Variants in ENY2 observed in about 807,000 individuals in gnomAD.
ENY2 encodes the protein ENY2 transcription and export complex 2 subunit.
In ENY2, 4 loss-of-function variants were observed where a neutral mutation model predicts 15.9. The observed-to-expected ratio is 0.25, with a 90% confidence interval of 0.12 to 0.57. The LOEUF (loss-of-function observed/expected upper bound fraction) is 0.57. ENY2 is among the 20% of genes least tolerant of loss of function. The pLI, the probability that ENY2 is intolerant of heterozygous loss-of-function variation, is 0.91. For missense variants in ENY2, 54 were observed against 117.2 expected, an observed-to-expected ratio of 0.46 and a Z score of 2.49; for synonymous variants, 48 against 38.0, an observed-to-expected ratio of 1.26 and a Z score of -0.97.
At position 109,344,608 on chromosome 8, in the gene ENY2, G is replaced by A. The variant is rs1031826735; in HGVS notation, c.*1127G>A. The A allele has an allele frequency of 3.3e-5, 5 of 151,990 alleles. No homozygotes were observed. Among genetic ancestry groups the A allele is most frequent in the African/African-American group, 1.2e-4 (5 of 41,346 alleles). The allele number at this position is 151,990 out of a possible 1,614,324, so 9.4% of individuals were successfully genotyped here. A position where few individuals can be genotyped will look rare whatever the true frequency, so the allele number is the denominator to read the frequency against. On this transcript the variant is annotated 3_prime_UTR_variant, in exon 5 of 5. Coordinates refer to ENST00000521688, the MANE Select transcript of ENY2 (RefSeq NM_020189.6). Reference sequence around the variant, plus strand: ...CTGCTATATTCCTTATTTCTGAATGGTACCTCCTAGCTATATAGATTATCT... The same window carrying A: ...CTGCTATATTCCTTATTTCTGAATGATACCTCCTAGCTATATAGATTATCT...
chr8:109,343,317 T>G (rs1816162469), intron 4 of ENY2, 88 bp from the exon 5 acceptor site: 1 of 1,017,460 alleles, frequency 9.8e-7, no homozygotes, highest in East Asian at 2.5e-5. Flanking sequence ...ATTCTTATGT[T>G]GTTTACCCTG....
intron 2 of ENY2, 166 bp from the exon 3 acceptor site, chr8:109,339,154 C>G: frequency 1.7e-6 from 1 of 594,738 alleles, no homozygotes. Context: ...TAAGTACTTG[C>G]ATGAGATCAA....
chr8:109,340,276 C>T (rs1816084909), intron 3 of ENY2: 1 of 553,088 alleles, frequency 1.8e-6, no homozygotes, highest in South Asian at 2.2e-5. Flanking sequence ...TATTTAGTTG[C>T]TGGTTATTTA....
Position 109,334,377 on chromosome 8 carries a change from C to G in ENY2, c.-92C>G, listed in dbSNP as rs1586322433. On this transcript the variant is annotated 5_prime_UTR_variant, in exon 1 of 5. Coordinates refer to ENST00000521688, the MANE Select transcript of ENY2 (RefSeq NM_020189.6). The stretch of plus-strand genomic sequence containing the variant: ...CTTAGGTGCCCGAGCTACTGAGGGT[C>G]TAAGTCCGGGCAGCCGAAGAGTGTG... 8 of 1,586,858 alleles carry G rather than the reference C, an allele frequency of 5.0e-6. No individual in the cohort carries two copies. In the East Asian group the frequency reaches 6.8e-5, roughly 13 times the overall value.
chr8:109,334,580 A>G (rs960836122), intron 1 of ENY2, 106 bp downstream of exon 1: 2 of 1,373,662 alleles, frequency 1.5e-6, no homozygotes, highest in Non-Finnish European at 1.9e-6. Flanking sequence ...GCGGGCCTGT[A>G]GGGCTCTCCG....
At chr8:109,334,544 T>C (rs1815909534) in intron 1 of ENY2, 70 bp downstream of exon 1, 2 of 1,541,788 alleles carry the variant, frequency 1.3e-6, no homozygotes, top group Non-Finnish European at 8.7e-7. Context: ...TGTACTGTCT[T>C]TCGTTAGCGT....
chr8:109,342,156 A>ACC (rs372493260), intron 4 of ENY2, among the ~76,000 whole-genome samples: 11 of 141,762 alleles, frequency 7.8e-5, no homozygotes, highest in Non-Finnish European at 1.4e-4. Flanking sequence ...GTTTTAGTTA[A>ACC]CCCCCCCCTT....
chr8:109,335,232 A>G (rs965720245), intron 1 of ENY2: 3 of 152,242 alleles, frequency 2.0e-5, no homozygotes, highest in African/African-American at 7.2e-5. Context: ...TTATCCCACC[A>G]GCAGTGTGTG....
chr8:109,342,351 G>C (rs1187088343), intron 4 of ENY2, among the ~76,000 whole-genome samples: 7 of 151,232 alleles, frequency 4.6e-5, no homozygotes, highest in African/African-American at 1.7e-4. Flanking sequence ...CACGTAATAT[G>C]AGAGTGCTCC....
intron 4 of ENY2, chr8:109,342,947 T>C (rs1332369494): frequency 1.0e-5 from 5 of 491,780 alleles, no homozygotes; most frequent in African/African-American, 2.0e-5. Flanking sequence ...CTTTTGTTCA[T>C]GTTTCTATTA....
At position 109,345,833 on chromosome 8, in the gene ENY2, A is replaced by G. The variant is rs182051745; in HGVS notation, c.*2352A>G. The G allele has an allele frequency of 1.4e-4, 22 of 152,328 alleles. No homozygotes were observed. The highest frequency in any genetic ancestry group is 1.4e-3 in the Admixed American group (22 of 15,292). 9.4% of individuals were successfully genotyped at this position (152,328 alleles called of 1,614,324 possible). On this transcript the variant is annotated 3_prime_UTR_variant, in exon 5 of 5. Coordinates refer to ENST00000521688, the MANE Select transcript of ENY2 (RefSeq NM_020189.6). Reference sequence around the variant, plus strand: ...TACTAAAGAGCATAGCTTTAAAATGATAGTGCTGAGAACTCCCCACCTCTA... The same window carrying G: ...TACTAAAGAGCATAGCTTTAAAATGGTAGTGCTGAGAACTCCCCACCTCTA...
At chr8:109,343,229 G>C (rs557065456) in intron 4 of ENY2, among the ~76,000 whole-genome samples, 176 bp from the exon 5 acceptor site, 1 of 152,092 alleles carries the variant, frequency 6.6e-6, no homozygotes, top group African/African-American at 2.4e-5. Flanking sequence ...CATTTAAAAT[G>C]ATGAATTGCA....
intron 2 of ENY2, among the ~76,000 whole-genome samples, chr8:109,337,631 T>C (rs1416136473): frequency 6.6e-6 from 1 of 152,184 alleles, no homozygotes; most frequent in Non-Finnish European, 1.5e-5. Context: ...AGGCCGTGCA[T>C]AGTGGCTCAC....
chr8:109,336,795 C>G (rs1408130003), intron 2 of ENY2, among the ~76,000 whole-genome samples: 1 of 152,180 alleles, frequency 6.6e-6, no homozygotes, highest in Non-Finnish European at 1.5e-5. Flanking sequence ...TACCCAGCAT[C>G]TAATGCTTTG....
intron 2 of ENY2, among the ~76,000 whole-genome samples, chr8:109,337,322 A>G (rs2130184381): frequency 6.6e-6 from 1 of 151,740 alleles, no homozygotes. Flanking sequence ...TTTAGAGGAT[A>G]GTACTGCTGG....
chr8:109,334,643 G>T, intron 1 of ENY2, 169 bp downstream of exon 1: 1 of 710,218 alleles, frequency 1.4e-6, no homozygotes, highest in Non-Finnish European at 2.2e-6. Flanking sequence ...TTGTTTTCTG[G>T]CTCCTCCTCT....
Position 109,334,430 on chromosome 8 carries a change from C to T in ENY2, c.-39C>T, listed in dbSNP as rs1412367344. On this transcript the variant is annotated 5_prime_UTR_variant, in exon 1 of 5. Transcript: ENST00000521688. ...AGGTAACGGTCCTCAGCGCAAGGGT[C>T]ATTTCGTCGCTGGGAAGGGACGGCC... 4 of 1,613,894 alleles carry T rather than the reference C, an allele frequency of 2.5e-6. No homozygotes were observed. The highest frequency in any genetic ancestry group is 3.4e-6 in the Non-Finnish European group (4 of 1,179,922).
At chr8:109,334,667 C>A in intron 1 of ENY2, 193 bp downstream of exon 1, 1 of 611,114 alleles carries the variant, frequency 1.6e-6, no homozygotes, top group Admixed American at 3.4e-5. Context: ...GCCTCTCCCG[C>A]TGTCTCCGCC....
intron 2 of ENY2, among the ~76,000 whole-genome samples, chr8:109,337,172 A>C (rs1028351492): frequency 6.6e-6 from 1 of 152,000 alleles, no homozygotes; most frequent in Admixed American, 6.6e-5. Flanking sequence ...GATAGATGGC[A>C]GAAAAATGAG....
Sources: gnomAD v4.1 joint callset for allele counts (sites outside exome capture counted in the v4.1 genomes callset) on GRCh38, gnomAD v4.1.1 for gene constraint, MANE v1.5 for transcripts, NCBI Gene and HGNC (gene_info 2026-07-23, HGNC 2026-07-21) for gene names.